Variants in PHACTR1 observed in about 807,000 individuals in gnomAD.
PHACTR1 encodes phosphatase and actin regulator 1, also known as RPEL repeat containing 1.
In PHACTR1, 16 loss-of-function variants were observed where a neutral mutation model predicts 69.2. The ratio of observed to expected loss-of-function variants is 0.23; its 90% confidence interval spans 0.16 to 0.35. The LOEUF is 0.35. Among genes scored for constraint, PHACTR1 ranks in the 10% least tolerant of loss-of-function variants. The pLI, the probability that PHACTR1 is intolerant of heterozygous loss-of-function variation, is 1.00. For missense variants in PHACTR1, 510 were observed against 734.7 expected, an observed-to-expected ratio of 0.69 and a Z score of 3.54; for synonymous variants, 312 against 284.5, an observed-to-expected ratio of 1.10 and a Z score of -0.97.
At chr6:13,133,606 G>T (rs1820923151) in intron 5 of PHACTR1, among the ~76,000 whole-genome samples, 1 of 152,100 alleles carries the variant, frequency 6.6e-6, no homozygotes, top group African/African-American at 2.4e-5. Flanking sequence ...GCTCAATGTT[G>T]CCCAGGCTGG....
intron 10 of PHACTR1, among the ~76,000 whole-genome samples, chr6:13,256,517 G>A (rs534404): frequency 0.15 from 23,120 of 152,204 alleles, 2,318 homozygotes; most frequent in Admixed American, 0.26. Flanking sequence ...CCCTTTAAAT[G>A]TAAGTTCCAG....
chr6:12,988,980 TCTC>T (rs1796505065), intron 4 of PHACTR1, among the ~76,000 whole-genome samples: 1 of 152,270 alleles, frequency 6.6e-6, no homozygotes, highest in Middle Eastern at 3.4e-3. Flanking sequence ...GGAATACAGA[TCTC>T]CTAGAACAAT....
intron 4 of PHACTR1, among the ~76,000 whole-genome samples, chr6:12,872,684 C>A (rs1350077673): frequency 6.6e-6 from 1 of 152,140 alleles, no homozygotes; most frequent in Non-Finnish European, 1.5e-5. Flanking sequence ...AGTTCAACTT[C>A]TTTCCCCCAT....
intron 3 of PHACTR1, among the ~76,000 whole-genome samples, chr6:12,719,990 T>C (rs1761894501): frequency 6.6e-6 from 1 of 152,190 alleles, no homozygotes; most frequent in Admixed American, 6.5e-5. Flanking sequence ...AGAAGTGATG[T>C]AATAGCAAAC....
intron 5 of PHACTR1, among the ~76,000 whole-genome samples, chr6:13,056,059 ATC>A (rs1806733989): frequency 6.6e-6 from 1 of 152,232 alleles, no homozygotes; most frequent in Non-Finnish European, 1.5e-5. Context: ...ACTACAGTAT[ATC>A]TTTATATCAT....
chr6:13,095,689 G>A (rs1205436946), intron 5 of PHACTR1, among the ~76,000 whole-genome samples: 1 of 146,308 alleles, frequency 6.8e-6, no homozygotes, highest in Non-Finnish European at 1.5e-5. Flanking sequence ...GAAGGGACAT[G>A]ACCTTGAACT....
chr6:13,090,609 C>T (rs925596899), intron 5 of PHACTR1, among the ~76,000 whole-genome samples: 1 of 152,224 alleles, frequency 6.6e-6, no homozygotes, highest in African/African-American at 2.4e-5. Flanking sequence ...AGGCGTGAGC[C>T]ACCATGCCCG....
chr6:12,822,353 G>C (rs899790374), intron 4 of PHACTR1, among the ~76,000 whole-genome samples: 4 of 152,178 alleles, frequency 2.6e-5, no homozygotes, highest in Non-Finnish European at 4.4e-5. Flanking sequence ...AAGAACCAGA[G>C]ACCTAAGGGG....
chr6:13,133,287 T>A (rs1820829167), intron 5 of PHACTR1, among the ~76,000 whole-genome samples: 1 of 121,018 alleles, frequency 8.3e-6, no homozygotes, highest in African/African-American at 3.1e-5. Context: ...CCTCTTCCTC[T>A]CCCCACAGTC....
rs1261942394 is a variant in PHACTR1, at chr6:12,971,709, A to G, written c.251-81656A>G. Among the ~76,000 whole-genome samples the G allele has an allele frequency of 3.9e-5, 6 of 152,248 alleles. No individual in the cohort carries two copies. In the East Asian group the frequency reaches 5.8e-4, roughly 15 times the overall value. Reference sequence around the variant, plus strand: ...TAGTGATGGCAATTCTGCACTATGCATAATACAATTTTGCAAATATGCTAA... The same window carrying G: ...TAGTGATGGCAATTCTGCACTATGCGTAATACAATTTTGCAAATATGCTAA... On this transcript the variant is annotated intron_variant, in intron 4 of 14. Coordinates refer to ENST00000332995, the MANE Select transcript of PHACTR1 (RefSeq NM_030948.6).
At chr6:12,797,321 A>G (rs1347336432) in intron 4 of PHACTR1, among the ~76,000 whole-genome samples, 1 of 152,176 alleles carries the variant, frequency 6.6e-6, no homozygotes. Flanking sequence ...CACGGACTGC[A>G]TATTGTGCAG....
chr6:12,909,935 A>G (rs148196629), intron 4 of PHACTR1, among the ~76,000 whole-genome samples: 1 of 152,360 alleles, frequency 6.6e-6, no homozygotes, highest in Admixed American at 6.5e-5. Context: ...TCCAAGCCCC[A>G]CATTCGAAGA....
chr6:12,913,736 A>G (rs916578582), intron 4 of PHACTR1, among the ~76,000 whole-genome samples: 1 of 152,154 alleles, frequency 6.6e-6, no homozygotes, highest in African/African-American at 2.4e-5. Flanking sequence ...TGAGCTGCAA[A>G]CCTTTGGGCA....
intron 4 of PHACTR1, among the ~76,000 whole-genome samples, chr6:12,975,197 T>C (rs565941173): frequency 6.6e-6 from 1 of 152,342 alleles, no homozygotes; most frequent in South Asian, 2.1e-4. Flanking sequence ...TTTTGCATTC[T>C]TTTAAACTTG....
chr6:13,012,515 G>C (rs1011930541), intron 4 of PHACTR1, among the ~76,000 whole-genome samples: 1 of 152,228 alleles, frequency 6.6e-6, no homozygotes, highest in Non-Finnish European at 1.5e-5. Flanking sequence ...GAATGCAGTA[G>C]GGTGGAAAGA....
intron 4 of PHACTR1, among the ~76,000 whole-genome samples, chr6:12,829,817 G>A (rs549654254): frequency 5.9e-5 from 9 of 151,338 alleles, no homozygotes; most frequent in African/African-American, 2.2e-4. Flanking sequence ...AAAAAGCCAG[G>A]TGTGGTGACT....
At chr6:12,755,575 ATCTC>A (rs985865891) in intron 4 of PHACTR1, among the ~76,000 whole-genome samples, 1 of 152,186 alleles carries the variant, frequency 6.6e-6, no homozygotes, top group African/African-American at 2.4e-5. Context: ...AGAAGAATGA[ATCTC>A]TATTATATAG....
At chr6:12,730,214 T>C (rs1763316936) in intron 3 of PHACTR1, among the ~76,000 whole-genome samples, 1 of 152,208 alleles carries the variant, frequency 6.6e-6, no homozygotes, top group African/African-American at 2.4e-5. Context: ...GTGGTTCTAC[T>C]GGGCCTTTTA....
intron 4 of PHACTR1, among the ~76,000 whole-genome samples, chr6:12,986,071 G>A (rs578019798): frequency 3.9e-5 from 6 of 152,230 alleles, no homozygotes; most frequent in African/African-American, 1.2e-4. Flanking sequence ...CCTGATCTCA[G>A]GTGATCCACC....
Sources: allele counts gnomAD v4.1 joint callset (sites outside exome capture counted in the v4.1 genomes callset), GRCh38; gene constraint gnomAD v4.1.1; transcripts MANE v1.5; gene names NCBI Gene and HGNC (gene_info 2026-07-23, HGNC 2026-07-21).